Variants in ITM2B observed in about 807,000 individuals in gnomAD.
The protein encoded by ITM2B is ABri/ADan amyloid peptide.
A neutral mutation model predicts 27.8 loss-of-function variants in ITM2B; 11 were observed. The ratio of observed to expected loss-of-function variants is 0.40; its 90% CI spans 0.25 to 0.66. ITM2B has a LOEUF of 0.66. Ranked by LOEUF, ITM2B falls within the 30% of genes least tolerant of loss-of-function variation. The pLI is 0.43. For missense variants in ITM2B, 296 were observed against 328.9 expected, an observed-to-expected ratio of 0.90 and a Z score of 0.77; for synonymous variants, 114 against 114.3, an observed-to-expected ratio of 1.00 and a Z score of 0.02.
rs1951831892 is a variant in ITM2B, at chr13:48,263,119, A to C, written c.*1895A>C. 6.6e-6 allele frequency: 1 copy of C among 152,184 alleles called. No homozygotes were observed. Among genetic ancestry groups the C allele is most frequent in the African/African-American group, 2.4e-5 (1 of 41,442 alleles). 9.4% of individuals were successfully genotyped at this position (152,184 alleles called of 1,614,324 possible). A position where few individuals can be genotyped will look rare whatever the true frequency, so the allele number is the denominator to read the frequency against. The stretch of plus-strand genomic sequence containing the variant: ...TCCCAGGGACCCAAACTTACACTTT[A>C]CTAAATGTAATTCTTTCATTTGAAT... On this transcript the variant is annotated 3_prime_UTR_variant, in exon 6 of 6. Transcript: ENST00000647800.
intron 1 of ITM2B, among the ~76,000 whole-genome samples, chr13:48,251,077 A>G (rs1296046257): frequency 6.6e-6 from 1 of 152,238 alleles, no homozygotes; most frequent in African/African-American, 2.4e-5. Flanking sequence ...TTTTGAATGA[A>G]CATGAGAAGT....
At chr13:48,242,711 G>A (rs961253423) in intron 1 of ITM2B, among the ~76,000 whole-genome samples, 5 of 152,038 alleles carry the variant, frequency 3.3e-5, no homozygotes, top group Admixed American at 2.6e-4. Context: ...CTAATGTGAT[G>A]CCATTCTGAT....
chr13:48,257,032 T>C (rs1951793780), intron 3 of ITM2B, among the ~76,000 whole-genome samples: 1 of 152,198 alleles, frequency 6.6e-6, no homozygotes, highest in Non-Finnish European at 1.5e-5. Context: ...CTGCATATAG[T>C]ACCAAACCCT....
chr13:48,262,016 T>G lies in ITM2B; in HGVS notation c.*792T>G, dbSNP rs1038534761. On this transcript the variant is annotated 3_prime_UTR_variant, in exon 6 of 6. Transcript: ENST00000647800. ...ATGAGTAAAATCACAGATTTTTTCTTTAAATAAAAATAAGTCATTTTAATA... is the reference window on the plus strand; with the variant it reads ...ATGAGTAAAATCACAGATTTTTTCTGTAAATAAAAATAAGTCATTTTAATA... The G allele has an allele frequency of 5.3e-5, 8 of 152,288 alleles. No homozygotes were observed. Among genetic ancestry groups the G allele is most frequent in the African/African-American group, 1.9e-4 (8 of 41,464 alleles). 9.4% of individuals were successfully genotyped at this position (152,288 alleles called of 1,614,324 possible).
chr13:48,253,734 A>G (rs1951767818), intron 1 of ITM2B, 74 bp from the exon 2 acceptor site: 70 of 1,394,220 alleles, frequency 5.0e-5, no homozygotes, highest in Non-Finnish European at 6.8e-5. Context: ...ATAATCATTA[A>G]GGTTTTTCTA....
chr13:48,233,388 C>G lies in ITM2B; in HGVS notation c.28C>G (p.Leu10Val). Reference sequence around the variant, plus strand: ...GGTGAAGGTGACGTTCAACTCCGCTCTGGCCCAGAAGGAGGCCAAGAAGGA... The same window carrying G: ...GGTGAAGGTGACGTTCAACTCCGCTGTGGCCCAGAAGGAGGCCAAGAAGGA... MVKVTFNSA[L>V]AQKEAKKDEP... Residue 10 changes from leucine to valine, a missense_variant, in exon 1 of 6, where the codon CTG becomes GTG. Leu to Val is a conservative substitution (Grantham distance 32). Transcript: ENST00000647800. The G allele has an allele frequency of 6.4e-7, 1 of 1,565,836 alleles. No homozygotes were observed. The highest frequency in any genetic ancestry group is 1.2e-5 in the South Asian group (1 of 84,924).
rs143705945 is a variant in ITM2B at position 48,269,335 on chromosome 13, A to T, written c.*8111A>T. 6.6e-6 allele frequency: 1 copy of T among 152,196 alleles called. No homozygotes were observed. Among genetic ancestry groups the T allele is most frequent in the African/African-American group, 2.4e-5 (1 of 41,410 alleles). 9.4% of individuals were successfully genotyped at this position (152,196 alleles called of 1,614,324 possible). A position where few individuals can be genotyped will look rare whatever the true frequency, so the allele number is the denominator to read the frequency against. ...ATCATCTCTTGCTTGGATTGGTGCA[A>T]TGGCCTCACAACTGATCTTCCTGCT... On this transcript the variant is annotated 3_prime_UTR_variant, in exon 6 of 6. Transcript: ENST00000647800.
At chr13:48,259,545 A>C (rs1225817251) in intron 5 of ITM2B, among the ~76,000 whole-genome samples, 2 of 152,226 alleles carry the variant, frequency 1.3e-5, no homozygotes, top group South Asian at 4.1e-4. Flanking sequence ...GCAGCTGTGG[A>C]AAGTAAGAAG....
chr13:48,256,106 G>A, intron 2 of ITM2B, 71 bp from the exon 3 acceptor site: 1 of 1,097,496 alleles, frequency 9.1e-7, no homozygotes. Flanking sequence ...AGAGGTGGCA[G>A]CTTAAGTAAT....
At chr13:48,254,332 A>G (rs961620160) in intron 2 of ITM2B, among the ~76,000 whole-genome samples, 10 of 152,166 alleles carry the variant, frequency 6.6e-5, no homozygotes, top group African/African-American at 1.9e-4. Context: ...GGACTCCCCT[A>G]TGGTCCTGCT....
chr13:48,243,775 C>G lies in ITM2B; in HGVS notation c.118-10033C>G, dbSNP rs138725236. The stretch of plus-strand genomic sequence containing the variant: ...GAGGCTGCAGTGAGCCGTGATTGCA[C>G]TATTACACTCTAGCTGGGGTGACAG... On this transcript the variant is annotated intron_variant, in intron 1 of 5. Coordinates refer to ENST00000647800, the MANE Select transcript of ITM2B (RefSeq NM_021999.5). Among the ~76,000 whole-genome samples the G allele has an allele frequency of 5.6e-4, 85 of 152,022 alleles. No individual in the cohort carries two copies. In the East Asian group the frequency reaches 0.015, roughly 27 times the overall value.
chr13:48,242,871 T>C (rs559907694), intron 1 of ITM2B, among the ~76,000 whole-genome samples: 4 of 152,330 alleles, frequency 2.6e-5, no homozygotes, highest in Admixed American at 2.0e-4. Context: ...ATTTTCATTC[T>C]TTGTGGCTTA....
rs1280891266 is a variant in ITM2B at position 48,264,726 on chromosome 13, C to T, written c.*3502C>T. ...CTTCATTTCCACAAAGCTACACAGCCATCAGTTCGTTCAATATCTTGTCCA... is the reference window on the plus strand; with the variant it reads ...CTTCATTTCCACAAAGCTACACAGCTATCAGTTCGTTCAATATCTTGTCCA... On this transcript the variant is annotated 3_prime_UTR_variant, in exon 6 of 6. Transcript: ENST00000647800. The T allele has an allele frequency of 6.6e-6, 1 of 152,148 alleles. No homozygotes were observed. The highest frequency in any genetic ancestry group is 1.9e-4 in the East Asian group (1 of 5,200). The allele number at this position is 152,148 out of a possible 1,614,324, so 9.4% of individuals were successfully genotyped here.
intron 1 of ITM2B, among the ~76,000 whole-genome samples, chr13:48,237,030 G>T (rs1951672491): frequency 6.6e-6 from 1 of 152,148 alleles, no homozygotes; most frequent in Non-Finnish European, 1.5e-5. Flanking sequence ...TTTAGACCCT[G>T]GTTCTTTACC....
At chr13:48,259,697 T>C (rs79812087) in intron 5 of ITM2B, among the ~76,000 whole-genome samples, 1 of 88,506 alleles carries the variant, frequency 1.1e-5, no homozygotes, top group Non-Finnish European at 2.8e-5. Context: ...GCTTGATTTC[T>C]TTTTTTTTTT....
At chr13:48,249,136 T>G (rs1023805454) in intron 1 of ITM2B, among the ~76,000 whole-genome samples, 2 of 152,224 alleles carry the variant, frequency 1.3e-5, no homozygotes, top group Admixed American at 1.3e-4. Flanking sequence ...ACCCAAGTAA[T>G]TAGTTTCCTC....
intron 2 of ITM2B, among the ~76,000 whole-genome samples, chr13:48,255,257 G>GCA (rs1566162976): frequency 4.0e-5 from 6 of 151,022 alleles, no homozygotes; most frequent in Non-Finnish European, 7.4e-5. Context: ...GTGTGTGTGC[G>GCA]CGCGCGTGTG....
chr13:48,257,853 T>TATA (rs1228012230), intron 3 of ITM2B, among the ~76,000 whole-genome samples: 1 of 152,212 alleles, frequency 6.6e-6, no homozygotes, highest in Non-Finnish European at 1.5e-5. Context: ...TGCTTAATTA[T>TATA]ATAATAAGTA....
At chr13:48,234,725 C>T (rs1412833470) in intron 1 of ITM2B, among the ~76,000 whole-genome samples, 2 of 152,058 alleles carry the variant, frequency 1.3e-5, no homozygotes, top group Non-Finnish European at 2.9e-5. Flanking sequence ...AAAACAGACA[C>T]GTCAGAGGTT....
Sources: gnomAD v4.1 joint callset for allele counts (sites outside exome capture counted in the v4.1 genomes callset) on GRCh38, gnomAD v4.1.1 for gene constraint, MANE v1.5 for transcripts, NCBI Gene and HGNC (gene_info 2026-07-23, HGNC 2026-07-21) for gene names.